OTUB1: variants seen among roughly 807,000 people sequenced by gnomAD.
OTUB1 encodes the protein ubiquitin thioesterase OTUB1.
OTUB1 carries 10 observed loss-of-function variants against 35.8 expected under a neutral mutation model. That is an observed-to-expected ratio of 0.28 (90% CI 0.17 to 0.47). The LOEUF (loss-of-function observed/expected upper bound fraction) is 0.47. OTUB1 is among the 20% of genes least tolerant of loss of function. The probability of loss-of-function intolerance (pLI) is 0.99; values close to 1 mark genes in which losing one functional copy is unlikely to be tolerated. For synonymous variants in OTUB1, 158 were observed against 143.8 expected, an observed-to-expected ratio of 1.10 and a Z score of -0.71; for missense variants, 264 against 351.6, an observed-to-expected ratio of 0.75 and a Z score of 1.99.
chr11:63,986,476 A>C lies in OTUB1; in HGVS notation c.20A>C (p.Gln7Pro), dbSNP rs894020534. The C allele has an allele frequency of 1.3e-6, 2 of 1,554,644 alleles. No individual in the cohort carries two copies. Among genetic ancestry groups the C allele is most frequent in the Non-Finnish European group, 8.7e-7 (1 of 1,149,440 alleles). MAAEEP[Q>P]QQKQEPLGSD... ...TTAAAGATGGCGGCGGAGGAACCTC[A>C]GCAGCAGAAGCAGGAGCCGCTGGGC... The change falls in exon 1 of 7, where the codon CAG (glutamine) becomes CCG (proline). Residue 7 changes from glutamine (Q) to proline (P), a missense_variant. Gln to Pro is a moderately conservative substitution (Grantham distance 76, BLOSUM62 -1). Around this residue, in one of 2 missense-constraint regions of OTUB1, gnomAD observed 50 missense variants for 34.5 expected, o/e 1.45. Coordinates refer to ENST00000538426, the MANE Select transcript of OTUB1 (RefSeq NM_017670.3).
chr11:63,990,443 CAAA>C (rs905066019), intron 3 of OTUB1: 1 of 151,648 alleles, frequency 6.6e-6, no homozygotes, highest in African/African-American at 2.4e-5. Flanking sequence ...CTCTCCAAAT[CAAA>C]AAATTACTGG....
intron 3 of OTUB1, among the ~76,000 whole-genome samples, chr11:63,990,890 A>C (rs1446641367): frequency 2.0e-5 from 3 of 152,188 alleles, no homozygotes; most frequent in Non-Finnish European, 4.4e-5. Context: ...CATTGTCTCC[A>C]GATCTGTTTT....
rs1283093679 is a variant in OTUB1 at position 63,997,665 on chromosome 11, C to T, written c.*119C>T. The stretch of plus-strand genomic sequence containing the variant: ...CACCCCCTTCTTCCTGTCACATGAC[C>T]CCCCCCCATGTTTTATTAAAGGGGG... On this transcript the variant is annotated 3_prime_UTR_variant, in exon 7 of 7. Coordinates refer to ENST00000538426, the MANE Select transcript of OTUB1 (RefSeq NM_017670.3). 2.5e-6 allele frequency: 2 copies of T among 804,382 alleles called. No homozygotes were observed. The highest frequency in any genetic ancestry group is 4.2e-6 in the Non-Finnish European group (2 of 476,270). 49.8% of individuals were successfully genotyped at this position (804,382 alleles called of 1,614,324 possible).
Position 63,997,073 on chromosome 11 carries a change from G to T in OTUB1, c.447G>T (p.Val149=), listed in dbSNP as rs1942727112. 1.2e-6 allele frequency: 2 copies of T among 1,614,150 alleles called. No homozygotes were observed. The highest frequency in any genetic ancestry group is 1.7e-6 in the Non-Finnish European group (2 of 1,179,998). ...HNTFMDLIEQ[V]EKQTSVADLL... is the part of the protein sequence containing the mutation. ...AGTTCATGGACCTGATTGAGCAGGT[G>T]GAGAAGCAGACCTCTGTCGCCGACC... Residue 149 remains valine, a synonymous_variant, in exon 6 of 7, where the codon GTG becomes GTT. Coordinates refer to ENST00000538426, the MANE Select transcript of OTUB1 (RefSeq NM_017670.3).
chr11:63,991,953 C>T (rs1010535872), intron 3 of OTUB1, among the ~76,000 whole-genome samples: 2 of 152,206 alleles, frequency 1.3e-5, no homozygotes, highest in African/African-American at 4.8e-5. Flanking sequence ...CGTGGTGGCT[C>T]ACGCCTGTAA....
intron 3 of OTUB1, among the ~76,000 whole-genome samples, chr11:63,993,387 G>A (rs1478672824): frequency 2.0e-5 from 3 of 151,992 alleles, no homozygotes; most frequent in Admixed American, 1.3e-4. Flanking sequence ...TTTGGCTAGG[G>A]GCAATGGCTC....
At chr11:63,988,491 T>C in intron 2 of OTUB1, 93 bp downstream of exon 2, 2 of 1,389,172 alleles carry the variant, frequency 1.4e-6, no homozygotes, top group South Asian at 2.4e-5. Context: ...CTGTCTCTAC[T>C]TTGGAAGCTC....
chr11:63,997,241 G>A lies in OTUB1; in HGVS notation c.615G>A (p.Gln205=). Residue 205 remains glutamine (Q), a synonymous_variant, in exon 6 of 7, where the codon CAG becomes CAA. Coordinates refer to ENST00000538426, the MANE Select transcript of OTUB1 (RefSeq NM_017670.3). ...GACGGACTGTCAAGGAGTTCTGCCA[G>A]CAGGTGCCGTCCCCCTCCCCTTTAC... ...EGGRTVKEFC[Q]QEVEPMCKES... is the part of the protein sequence containing the mutation. 6.2e-7 allele frequency: 1 copy of A among 1,613,362 alleles called. No homozygotes were observed. Among genetic ancestry groups the A allele is most frequent in the Non-Finnish European group, 8.5e-7 (1 of 1,179,366 alleles).
In OTUB1 at chr11:63,996,538, C is replaced by G. The variant is rs368884174; in HGVS notation, c.228C>G (p.His76Gln). Reference sequence around the variant, plus strand: ...TGGGGCTGTCTCCGCAGGACCTCCACAAAAAGTACTCGTACATCCGCAAGA... The same window carrying G: ...TGGGGCTGTCTCCGCAGGACCTCCAGAAAAAGTACTCGTACATCCGCAAGA... ...NIYQQKIKDL[H>Q]KKYSYIRKTR... The change falls in exon 4 of 7, where the codon CAC (histidine) becomes CAG (glutamine). Residue 76 changes from histidine to glutamine, a missense_variant. Around this residue, in one of 2 missense-constraint regions of OTUB1, gnomAD observed 214 missense variants for 317.1 expected, o/e 0.67. Coordinates refer to ENST00000538426, the MANE Select transcript of OTUB1 (RefSeq NM_017670.3). The G allele has an allele frequency of 1.2e-5, 19 of 1,614,032 alleles. No homozygotes were observed. Among genetic ancestry groups the G allele is most frequent in the African/African-American group, 9.3e-5 (7 of 74,920 alleles).
In OTUB1 at chr11:63,997,818, A is replaced by T; in HGVS notation, c.*272A>T. On this transcript the variant is annotated 3_prime_UTR_variant, in exon 7 of 7. Coordinates refer to ENST00000538426, the MANE Select transcript of OTUB1 (RefSeq NM_017670.3). ...TCTACTCCTGAGCTTCCCCAACAGG[A>T]GCAGGTTTGAGGGGCCAGGCCTCTT... 1 of 698,436 alleles carries T rather than the reference A, an allele frequency of 1.4e-6. No individual in the cohort carries two copies. The highest frequency in any genetic ancestry group is 2.6e-6 in the Non-Finnish European group (1 of 383,564). 43.3% of individuals were successfully genotyped at this position (698,436 alleles called of 1,614,324 possible). A position where few individuals can be genotyped will look rare whatever the true frequency, so the allele number is the denominator to read the frequency against.
intron 1 of OTUB1, among the ~76,000 whole-genome samples, chr11:63,987,526 C>G (rs1590777341): frequency 6.6e-6 from 1 of 152,140 alleles, no homozygotes; most frequent in Admixed American, 6.5e-5. Flanking sequence ...GGTACTCGCC[C>G]CATTTTACAG....
rs1942737730 is a variant in OTUB1 at position 63,997,724 on chromosome 11, TCTG to T, written c.*183_*185del. ...GTGAGCCGTGTGTGCGTGTCCCTGC[TCTG>T]CTGCCCGCCTGGCTGCTCTGTCTGC... On this transcript the variant is annotated 3_prime_UTR_variant, in exon 7 of 7. Coordinates refer to ENST00000538426, the MANE Select transcript of OTUB1 (RefSeq NM_017670.3). 1 of 709,594 alleles carries T rather than the reference TCTG, an allele frequency of 1.4e-6. No individual in the cohort carries two copies. Among genetic ancestry groups the T allele is most frequent in the Non-Finnish European group, 2.6e-6 (1 of 391,856 alleles). The allele number at this position is 709,594 out of a possible 1,614,324, so 44.0% of individuals were successfully genotyped here.
intron 5 of OTUB1, 47 bp from the exon 6 acceptor site, chr11:63,997,003 C>T (rs1029586399): frequency 1.2e-6 from 2 of 1,610,510 alleles, no homozygotes; most frequent in South Asian, 2.2e-5. Flanking sequence ...GTGAGGACCA[C>T]CCATCTCCTC....
intron 1 of OTUB1, chr11:63,986,752 T>C (rs1050528111): frequency 7.9e-6 from 4 of 507,984 alleles, no homozygotes; most frequent in Non-Finnish European, 1.0e-5. Flanking sequence ...TTCTCCATCG[T>C]GTGCGCCCGG....
chr11:63,988,562 G>A, intron 2 of OTUB1, 92 bp from the exon 3 acceptor site: 2 of 1,257,694 alleles, frequency 1.6e-6, no homozygotes, highest in Admixed American at 1.7e-5. Flanking sequence ...GCCACCGGGT[G>A]ACCAGCCCAG....
At chr11:63,991,414 G>A (rs1942671659) in intron 3 of OTUB1, among the ~76,000 whole-genome samples, 1 of 152,202 alleles carries the variant, frequency 6.6e-6, no homozygotes, top group Non-Finnish European at 1.5e-5. Flanking sequence ...AGGACAGGCT[G>A]GGCCCCAGGT....
chr11:63,997,402 C>T lies in OTUB1; in HGVS notation c.672C>T (p.Ala224=), dbSNP rs1942732073. Reference sequence around the variant, plus strand: ...ACCACATCCACATCATTGCGCTGGCCCAGGCCCTCAGCGTGTCCATCCAGG... The same window carrying T: ...ACCACATCCACATCATTGCGCTGGCTCAGGCCCTCAGCGTGTCCATCCAGG... ...ESDHIHIIAL[A]QALSVSIQVE... The change falls in exon 7 of 7, where the codon GCC becomes GCT. Residue 224 remains alanine, a synonymous_variant. Coordinates refer to ENST00000538426, the MANE Select transcript of OTUB1 (RefSeq NM_017670.3). 1 of 1,614,098 alleles carries T rather than the reference C, an allele frequency of 6.2e-7. No homozygotes were observed. The highest frequency in any genetic ancestry group is 1.1e-5 in the South Asian group (1 of 91,092).
At chr11:63,989,030 A>G in intron 3 of OTUB1, 1 of 337,260 alleles carries the variant, frequency 3.0e-6, no homozygotes, top group South Asian at 5.1e-5. Context: ...AAAAAAAAAA[A>G]AGGTGGGGGG....
chr11:63,989,676 A>C (rs926031436), intron 3 of OTUB1: 3 of 147,002 alleles, frequency 2.0e-5, no homozygotes, highest in African/African-American at 7.6e-5. Context: ...GCAGTGAGGC[A>C]AGATCCCGCA....
Sources: allele counts gnomAD v4.1 joint callset (sites outside exome capture counted in the v4.1 genomes callset), GRCh38; gene constraint gnomAD v4.1.1; regional missense constraint gnomAD v4.1.1; transcripts MANE v1.5; gene names NCBI Gene and HGNC (gene_info 2026-07-23, HGNC 2026-07-21).